HECTD4: variants seen among roughly 807,000 people sequenced by gnomAD.
The protein encoded by HECTD4 is HECT domain E3 ubiquitin protein ligase 4.
Under a neutral mutation model 471.5 loss-of-function variants are expected in HECTD4, and 114 were observed. The ratio of observed to expected loss-of-function variants is 0.24; its 90% CI spans 0.21 to 0.28. The LOEUF is 0.28. HECTD4 is among the 10% of genes least tolerant of loss of function. The pLI is 1.00. For synonymous variants in HECTD4, 2,012 were observed against 2,256.0 expected (o/e 0.89, Z 3.07); for missense variants, 3,866 against 5,651.5 (o/e 0.68, Z 10.13).
intron 34 of HECTD4, among the ~76,000 whole-genome samples, 182 bp from the exon 35 acceptor site, chr12:112,237,280 C>T (rs951748245): frequency 6.6e-6 from 1 of 152,152 alleles, no homozygotes; most frequent in Non-Finnish European, 1.5e-5. Context: ...AAAAATAACT[C>T]AATGTGGGGG....
In HECTD4 at chr12:112,240,946, T is replaced by C. The variant is rs1216002864; in HGVS notation, c.4959-919A>G. 2.6e-5 allele frequency among the ~76,000 whole-genome samples: 4 copies of C among 152,332 alleles called. No individual in the cohort carries two copies. In the East Asian group the frequency reaches 5.8e-4, roughly 22 times the overall value. On this transcript the variant is annotated intron_variant, in intron 32 of 75. Coordinates refer to ENST00000682272, the MANE Select transcript of HECTD4 (RefSeq NM_001388303.1). ...TTAGAACTGAAACTATCAGGATTTA[T>C]CTACAAAGACATGCAACATAGTATT... is the stretch of plus-strand genomic sequence containing the variant.
Position 112,179,020 on chromosome 12 carries a change from C to A in HECTD4, c.11274G>T (p.Gly3758=), listed in dbSNP as rs1392444290. The A allele has an allele frequency of 6.2e-7, 1 of 1,613,830 alleles. No individual in the cohort carries two copies. Among genetic ancestry groups the A allele is most frequent in the African/African-American group, 1.3e-5 (1 of 75,074 alleles). Reference sequence around the variant, plus strand: ...CCACCTTCACGGGGTGCTGCTCCTTCCCGGCCTTGCTGTACTTGCTCTTGT... The same window carrying A: ...CCACCTTCACGGGGTGCTGCTCCTTACCGGCCTTGCTGTACTTGCTCTTGT... ...KFDKSKYSKA[G]KEQHPVKVVS... is the part of the protein sequence containing the mutation. The change falls in exon 64 of 76, where the codon GGG becomes GGT. Residue 3758 remains glycine, a synonymous_variant. Coordinates refer to ENST00000682272, the MANE Select transcript of HECTD4 (RefSeq NM_001388303.1). The surrounding 1 kb of genome is among the most constrained non-coding windows in gnomAD (Gnocchi z 4.3).
At chr12:112,308,719 A>C (rs1333542334) in intron 6 of HECTD4, 34 bp downstream of exon 6, 1 of 1,513,206 alleles carries the variant, frequency 6.6e-7, no homozygotes, top group Non-Finnish European at 8.8e-7. Flanking sequence ...TGCCTCTAAA[A>C]TATGTTTTAA....
chr12:112,344,600 A>G (rs190868948), intron 1 of HECTD4, among the ~76,000 whole-genome samples: 1 of 152,290 alleles, frequency 6.6e-6, no homozygotes, highest in Admixed American at 6.5e-5. Context: ...AGTTTTTCCT[A>G]TCACATATAA....
chr12:112,324,037 C>CTTTCTCTCTTTCTTTCTTT (rs1566112043), intron 1 of HECTD4, among the ~76,000 whole-genome samples: 1 of 20,106 alleles, frequency 5.0e-5, no homozygotes, highest in Non-Finnish European at 8.2e-5. Context: ...TTCCTTCCTT[C>CTTTCTCTCTTTCTTTCTTT]CTTCCTTCCT....
chr12:112,181,092 C>T (rs964812099), intron 62 of HECTD4, among the ~76,000 whole-genome samples: 8 of 151,224 alleles, frequency 5.3e-5, no homozygotes, highest in South Asian at 2.1e-4. Context: ...TGCTTGAACC[C>T]GGGAGGTGGA....
At chr12:112,191,239 G>C (rs150411925) in intron 59 of HECTD4, among the ~76,000 whole-genome samples, 2 of 152,332 alleles carry the variant, frequency 1.3e-5, no homozygotes, top group East Asian at 3.9e-4. Flanking sequence ...ACACACACTT[G>C]TCATTCAGTT....
intron 1 of HECTD4, among the ~76,000 whole-genome samples, chr12:112,343,776 G>A (rs2036094701): frequency 6.6e-6 from 1 of 151,000 alleles, no homozygotes; most frequent in Non-Finnish European, 1.5e-5. Context: ...CCATCTCTTG[G>A]GAAAAAAAAA....
chr12:112,200,540 A>T, intron 55 of HECTD4, 98 bp downstream of exon 55: 1 of 1,320,388 alleles, frequency 7.6e-7, no homozygotes, highest in Non-Finnish European at 1.0e-6. Flanking sequence ...GCTTTGAAGG[A>T]AAAACTTTCT....
At position 112,235,033 on chromosome 12, in the gene HECTD4, G is replaced by A; in HGVS notation, c.5915+44C>T. On this transcript the variant is annotated intron_variant, in intron 37 of 75. Transcript: ENST00000682272. The surrounding 1 kb of genome is among the most constrained non-coding windows in gnomAD (Gnocchi z 5.0). ...TACTTAGCACAGTGCCTGTGACATG[G>A]GTGGTGCTTGAGGATGTGTAGCTAT... 6.6e-7 allele frequency: 1 copy of A among 1,521,672 alleles called. No individual in the cohort carries two copies. The highest frequency in any genetic ancestry group is 2.2e-4 in the Middle Eastern group (1 of 4,614). 94.3% of individuals were successfully genotyped at this position (1,521,672 alleles called of 1,614,324 possible). A position where few individuals can be genotyped will look rare whatever the true frequency, so the allele number is the denominator to read the frequency against.
chr12:112,226,594 C>G, intron 44 of HECTD4, 49 bp downstream of exon 44: 1 of 1,231,504 alleles, frequency 8.1e-7, no homozygotes. Flanking sequence ...TGCAAATGTG[C>G]TGAGAAAATT....
chr12:112,203,571 A>T (rs754092370), intron 54 of HECTD4, 65 bp downstream of exon 54: 4 of 1,338,296 alleles, frequency 3.0e-6, no homozygotes, highest in African/African-American at 1.5e-5. Context: ...GGTACCTGGG[A>T]ATCTGGGTAT....
At chr12:112,331,064 G>T (rs939721214) in intron 1 of HECTD4, among the ~76,000 whole-genome samples, 6 of 151,948 alleles carry the variant, frequency 3.9e-5, no homozygotes, top group Non-Finnish European at 7.4e-5. Flanking sequence ...TTGTTCTGGT[G>T]TGTTTTGGTT....
intron 6 of HECTD4, among the ~76,000 whole-genome samples, chr12:112,307,221 T>C (rs558951821): frequency 1.3e-5 from 2 of 152,362 alleles, no homozygotes; most frequent in East Asian, 1.9e-4. Flanking sequence ...GACCCCTCAA[T>C]TGATTTCACA....
At chr12:112,348,204 A>G (rs1018451144) in intron 1 of HECTD4, among the ~76,000 whole-genome samples, 5 of 152,360 alleles carry the variant, frequency 3.3e-5, no homozygotes, top group African/African-American at 1.2e-4. Flanking sequence ...ACACAAGAGT[A>G]GTTCTACAAG....
chr12:112,191,043 G>A, intron 59 of HECTD4, 78 bp from the exon 60 acceptor site: 1 of 1,256,648 alleles, frequency 8.0e-7, no homozygotes, highest in Middle Eastern at 1.9e-4. Context: ...GTCCTGCCAG[G>A]TGTGCATGTA....
chr12:112,291,636 G>A (rs545950911), intron 7 of HECTD4, among the ~76,000 whole-genome samples: 2 of 152,226 alleles, frequency 1.3e-5, no homozygotes, highest in South Asian at 4.1e-4. Flanking sequence ...ACTTTGGGAG[G>A]CCGAGGCGGG....
chr12:112,309,893 C>G (rs2035339718), intron 4 of HECTD4, among the ~76,000 whole-genome samples: 1 of 152,114 alleles, frequency 6.6e-6, no homozygotes, highest in Non-Finnish European at 1.5e-5. Context: ...AGACAGTTAC[C>G]AGCAGGGGAA....
In HECTD4 at chr12:112,179,851, T is replaced by C. The variant is rs1399722569; in HGVS notation, c.10988-454A>G. ...AGGATAGATAGCCAGCAAGTATTTT[T>C]AGTGGGAAGTACAACTTGTTAAACA... On this transcript the variant is annotated intron_variant, in intron 62 of 75. Coordinates refer to ENST00000682272, the MANE Select transcript of HECTD4 (RefSeq NM_001388303.1). The surrounding 1 kb of genome is among the most constrained non-coding windows in gnomAD (Gnocchi z 4.3). Among the ~76,000 whole-genome samples, 1 of 152,240 alleles carries C rather than the reference T, an allele frequency of 6.6e-6. No homozygotes were observed. Among genetic ancestry groups the C allele is most frequent in the East Asian group, 1.9e-4 (1 of 5,200 alleles).
Sources: gnomAD v4.1 joint callset for allele counts (sites outside exome capture counted in the v4.1 genomes callset) on GRCh38, gnomAD v4.1.1 for gene constraint, Gnocchi (gnomAD v3.1) non-coding constraint, MANE v1.5 for transcripts, NCBI Gene and HGNC (gene_info 2026-07-23, HGNC 2026-07-21) for gene names.